PDE10A: variants seen among roughly 807,000 people sequenced by gnomAD.
The protein encoded by PDE10A is cAMP and cAMP-inhibited cGMP 3',5'-cyclic phosphodiesterase 10A.
Under a neutral mutation model 97.7 loss-of-function variants are expected in PDE10A, and 39 were observed. That is an observed-to-expected ratio of 0.40 (90% CI 0.31 to 0.52). The LOEUF (loss-of-function observed/expected upper bound fraction) is 0.52. Among genes scored for constraint, PDE10A ranks in the 20% least tolerant of loss-of-function variants. PDE10A has a pLI of 0.56. For missense variants in PDE10A, 731 were observed against 1,047.8 expected, an observed-to-expected ratio of 0.70 and a Z score of 4.17; for synonymous variants, 371 against 376.8, an observed-to-expected ratio of 0.98 and a Z score of 0.18.
At chr6:165,884,982 T>A (rs12528035) in intron 1 of PDE10A, among the ~76,000 whole-genome samples, 51,123 of 151,946 alleles carry the variant, frequency 0.34, 9,130 homozygotes, top group East Asian at 0.66. Context: ...GTTTAATTAC[T>A]GAATTCCGCC....
intron 1 of PDE10A, among the ~76,000 whole-genome samples, chr6:165,885,867 C>T (rs1313800755): frequency 6.6e-6 from 1 of 152,180 alleles, no homozygotes; most frequent in Non-Finnish European, 1.5e-5. Context: ...CAGAAAGTCT[C>T]AATAAAATAA....
chr6:165,824,956 C>T (rs191743032), intron 1 of PDE10A, among the ~76,000 whole-genome samples: 4 of 137,884 alleles, frequency 2.9e-5, no homozygotes, highest in African/African-American at 1.1e-4. Flanking sequence ...CATGGTGAAA[C>T]CCCGTCTCTA....
chr6:165,787,663 C>T (rs1184865977), intron 1 of PDE10A, among the ~76,000 whole-genome samples: 2 of 152,178 alleles, frequency 1.3e-5, no homozygotes, highest in Non-Finnish European at 2.9e-5. Context: ...CTTTAACCAT[C>T]ATTTTTTTCT....
intron 1 of PDE10A, among the ~76,000 whole-genome samples, chr6:165,806,657 C>CG (rs527242690): frequency 1.3e-5 from 2 of 150,882 alleles, no homozygotes; most frequent in South Asian, 2.1e-4. Context: ...GCGCCCCCCC[C>CG]CAGGCTCTTC....
At chr6:165,732,029 G>A (rs1792450189) in intron 1 of PDE10A, among the ~76,000 whole-genome samples, 1 of 152,170 alleles carries the variant, frequency 6.6e-6, no homozygotes, top group Admixed American at 6.5e-5. Flanking sequence ...CCTGTCACTG[G>A]ATGCACCACT....
intron 1 of PDE10A, among the ~76,000 whole-genome samples, chr6:165,624,407 G>A (rs965092635): frequency 6.6e-6 from 1 of 152,202 alleles, no homozygotes; most frequent in African/African-American, 2.4e-5. Flanking sequence ...TGCTAGCACT[G>A]TTAGACGTTT....
At chr6:165,706,600 C>T (rs535936303) in intron 1 of PDE10A, among the ~76,000 whole-genome samples, 1 of 152,304 alleles carries the variant, frequency 6.6e-6, no homozygotes, top group Non-Finnish European at 1.5e-5. Context: ...ACATTTTCTC[C>T]TCAATAAATC....
At chr6:165,563,170 A>AG (rs1290033945) in intron 1 of PDE10A, among the ~76,000 whole-genome samples, 1 of 96,788 alleles carries the variant, frequency 1.0e-5, no homozygotes, top group African/African-American at 4.0e-5. Context: ...AAAAAAGAAG[A>AG]GGGGAGGGGG....
intron 2 of PDE10A, among the ~76,000 whole-genome samples, chr6:165,510,970 A>T (rs1562533914): frequency 1.3e-5 from 2 of 151,420 alleles, no homozygotes; most frequent in South Asian, 4.2e-4. Flanking sequence ...AAAACCCAAC[A>T]TTTTGTTTCA....
chr6:165,452,219 A>G (rs970105368), intron 3 of PDE10A, among the ~76,000 whole-genome samples: 3 of 152,216 alleles, frequency 2.0e-5, no homozygotes, highest in African/African-American at 7.2e-5. Context: ...AAGATGGGAT[A>G]TTGATGTGGT....
chr6:165,719,485 T>C (rs1000572094), intron 1 of PDE10A, among the ~76,000 whole-genome samples: 1 of 152,234 alleles, frequency 6.6e-6, no homozygotes, highest in African/African-American at 2.4e-5. Flanking sequence ...TCACCTGGAA[T>C]TCTGTACTGG....
chr6:165,433,199 T>C, intron 6 of PDE10A, 70 bp from the exon 7 acceptor site: 2 of 1,199,844 alleles, frequency 1.7e-6, no homozygotes, highest in East Asian at 4.8e-5. Flanking sequence ...CTTATTTCTA[T>C]CAGAAATTGC....
intron 1 of PDE10A, among the ~76,000 whole-genome samples, chr6:165,855,859 G>A (rs930316950): frequency 6.6e-6 from 1 of 152,156 alleles, no homozygotes; most frequent in Non-Finnish European, 1.5e-5. Context: ...TGGAGGAAAC[G>A]TCGGAAGTGT....
chr6:165,726,931 A>G (rs1301653342), intron 1 of PDE10A, among the ~76,000 whole-genome samples: 1 of 152,128 alleles, frequency 6.6e-6, no homozygotes, highest in East Asian at 1.9e-4. Context: ...AAACCAGCAA[A>G]CAGAAAACAG....
intron 1 of PDE10A, among the ~76,000 whole-genome samples, chr6:165,953,715 A>G (rs568361846): frequency 4.4e-4 from 67 of 152,336 alleles, no homozygotes; most frequent in Non-Finnish European, 8.4e-4. Context: ...CTAGTGTGGC[A>G]TATCTGTTAC....
chr6:165,616,014 C>T (rs1787710757), intron 1 of PDE10A, among the ~76,000 whole-genome samples: 1 of 152,296 alleles, frequency 6.6e-6, no homozygotes, highest in Middle Eastern at 3.4e-3. Context: ...GAATTTTCTT[C>T]TTTCAGTTTT....
At chr6:165,729,681 A>G (rs1317208998) in intron 1 of PDE10A, among the ~76,000 whole-genome samples, 1 of 152,218 alleles carries the variant, frequency 6.6e-6, no homozygotes, top group Non-Finnish European at 1.5e-5. Context: ...ATACTAATTA[A>G]TTTGCAGGTC....
chr6:165,472,631 G>A (rs182054656), intron 3 of PDE10A, among the ~76,000 whole-genome samples: 150 of 152,162 alleles, frequency 9.9e-4, no homozygotes, highest in Middle Eastern at 3.4e-3. Context: ...TTAAAAAGCC[G>A]TTTTTCAAAA....
intron 1 of PDE10A, among the ~76,000 whole-genome samples, chr6:165,738,465 G>A (rs1331411084): frequency 6.6e-6 from 1 of 150,894 alleles, no homozygotes; most frequent in Non-Finnish European, 1.5e-5. Flanking sequence ...TAATGCCGCA[G>A]TAAACATACG....
Sources: gnomAD v4.1 joint callset for allele counts (sites outside exome capture counted in the v4.1 genomes callset) on GRCh38, gnomAD v4.1.1 for gene constraint, MANE v1.5 for transcripts, NCBI Gene and HGNC (gene_info 2026-07-23, HGNC 2026-07-21) for gene names.